Variants in GREB1L observed in about 807,000 individuals in gnomAD.
The protein encoded by GREB1L is GREB1-like protein.
A neutral mutation model predicts 200.8 loss-of-function variants in GREB1L; 17 were observed. That is an observed-to-expected ratio of 0.08 (90% CI 0.06 to 0.13). The LOEUF (loss-of-function observed/expected upper bound fraction) is 0.13. Among genes scored for constraint, GREB1L ranks in the 10% least tolerant of loss-of-function variants. The pLI, the probability that GREB1L is intolerant of heterozygous loss-of-function variation, is 1.00. For missense variants in GREB1L, 1,657 were observed against 2,367.7 expected (o/e 0.70, Z 6.23); for synonymous variants, 789 against 893.0 (o/e 0.88, Z 2.08).
At chr18:21,392,733 C>A (rs1294993486) in intron 4 of GREB1L, among the ~76,000 whole-genome samples, 1 of 151,482 alleles carries the variant, frequency 6.6e-6, no homozygotes, top group Non-Finnish European at 1.5e-5. Flanking sequence ...TATGCCCCAC[C>A]GCTTCATCCA....
Position 21,303,655 on chromosome 18 carries a change from G to A in GREB1L, c.-120+61262G>A, listed in dbSNP as rs558530257. Among the ~76,000 whole-genome samples the A allele has an allele frequency of 7.9e-5, 12 of 152,204 alleles. No homozygotes were observed. The East Asian group carries it at 1.5e-3, about 20-fold the overall frequency. ...CACTGATTATGACTTTGCCACTTCC[G>A]GCCCTATTGTCCTTACAAAGGGATT... On this transcript the variant is annotated intron_variant, in intron 1 of 32. Transcript: ENST00000424526.
In GREB1L at chr18:21,508,443, C is replaced by T. The variant is rs909910944; in HGVS notation, c.4587C>T (p.His1529=). ...CTCCTTCCAGTGGTCGACATGAGCA[C>T]GGACTCCTAAACCTTTTCCACGCCA... ...IFTPSSGRHE[H]GLLNLFHAME... The change falls in exon 27 of 33, where the codon CAC becomes CAT. Residue 1529 remains histidine, a synonymous_variant. Coordinates refer to ENST00000424526, the MANE Select transcript of GREB1L (RefSeq NM_001142966.3). 13 of 1,551,558 alleles carry T rather than the reference C, an allele frequency of 8.4e-6. No individual in the cohort carries two copies. The highest frequency in any genetic ancestry group is 3.6e-5 in the South Asian group (3 of 84,064).
At chr18:21,391,841 C>A (rs1452791589) in intron 4 of GREB1L, among the ~76,000 whole-genome samples, 3 of 152,318 alleles carry the variant, frequency 2.0e-5, no homozygotes, top group Non-Finnish European at 2.9e-5. Context: ...CAGAGTTTCA[C>A]TCTTGTTGCC....
rs76334385 is a variant in GREB1L at position 21,448,751 on chromosome 18, A to T, written c.1394-759A>T. ...ATCTTAGTTCATTTGTGTCATTTGGATACCAAACATTGACTTGCTTATTTT... is the reference window on the plus strand; with the variant it reads ...ATCTTAGTTCATTTGTGTCATTTGGTTACCAAACATTGACTTGCTTATTTT... On this transcript the variant is annotated intron_variant, in intron 11 of 32. Coordinates refer to ENST00000424526, the MANE Select transcript of GREB1L (RefSeq NM_001142966.3). Among the ~76,000 whole-genome samples the T allele has an allele frequency of 8.2e-3, 1,252 of 152,302 alleles. 104 individuals carry two copies. In the East Asian group the frequency reaches 0.19, roughly 24 times the overall value.
intron 1 of GREB1L, among the ~76,000 whole-genome samples, chr18:21,307,271 A>C (rs895192113): frequency 3.3e-5 from 5 of 152,176 alleles, no homozygotes; most frequent in African/African-American, 1.2e-4. Flanking sequence ...GTTACCATTA[A>C]TCCTTCGATC....
Position 21,354,435 on chromosome 18 carries a change from A to C in GREB1L, c.-119-11592A>C, listed in dbSNP as rs558840796. On this transcript the variant is annotated intron_variant, in intron 1 of 32. Coordinates refer to ENST00000424526, the MANE Select transcript of GREB1L (RefSeq NM_001142966.3). ...AGACCCAGTTTTCAACAACAACAAG[A>C]AGTTTAAAAAAATAGTTTGAGTGCC... Among the ~76,000 whole-genome samples the C allele has an allele frequency of 4.6e-5, 7 of 152,302 alleles. No individual in the cohort carries two copies. The South Asian group carries it at 1.5e-3, about 32-fold the overall frequency.
chr18:21,346,592 G>A (rs1369608586), intron 1 of GREB1L, among the ~76,000 whole-genome samples: 1 of 151,926 alleles, frequency 6.6e-6, no homozygotes, highest in Non-Finnish European at 1.5e-5. Context: ...CTTTTAAGAG[G>A]TTTCTGGTTA....
rs558018755 is a variant in GREB1L, at chr18:21,517,413, C to T, written c.5272-621C>T. On this transcript the variant is annotated intron_variant, in intron 30 of 32. Coordinates refer to ENST00000424526, the MANE Select transcript of GREB1L (RefSeq NM_001142966.3). ...TCGCTCTGTTGCCCAGGCTGGACTG[C>T]AGTGGCATGATCCCAGCTCGCTGCA... is the stretch of plus-strand genomic sequence containing the variant. Among the ~76,000 whole-genome samples the T allele has an allele frequency of 2.3e-3, 347 of 152,198 alleles. 5 individuals carry two copies. The South Asian group carries it at 0.041, about 18-fold the overall frequency.
chr18:21,387,461 A>AG (rs1214695587), intron 4 of GREB1L: 3 of 152,228 alleles, frequency 2.0e-5, no homozygotes, highest in Non-Finnish European at 4.4e-5. Flanking sequence ...AAATTATTTC[A>AG]GGGGCAGATT....
intron 2 of GREB1L, among the ~76,000 whole-genome samples, chr18:21,381,796 C>T (rs1381535698): frequency 2.0e-5 from 3 of 152,166 alleles, no homozygotes. Context: ...AGAGGCATTC[C>T]GTTCCAAATA....
chr18:21,271,119 G>T (rs1168955131), intron 1 of GREB1L, among the ~76,000 whole-genome samples: 1 of 152,170 alleles, frequency 6.6e-6, no homozygotes, highest in Non-Finnish European at 1.5e-5. Flanking sequence ...GTATTCAATA[G>T]ATGATGACAA....
chr18:21,288,054 T>G (rs183006273), intron 1 of GREB1L, among the ~76,000 whole-genome samples: 37 of 152,184 alleles, frequency 2.4e-4, no homozygotes, highest in African/African-American at 8.9e-4. Context: ...CTGCCCACCT[T>G]AGCCTCCCAT....
intron 23 of GREB1L, among the ~76,000 whole-genome samples, chr18:21,504,793 G>C (rs1360780938): frequency 1.3e-5 from 2 of 152,164 alleles, no homozygotes; most frequent in African/African-American, 4.8e-5. Context: ...ATAATCTGGG[G>C]ACTCAGGGTT....
Position 21,444,309 on chromosome 18 carries a change from G to A in GREB1L, c.1293G>A (p.Gln431=). 4 of 1,551,872 alleles carry A rather than the reference G, an allele frequency of 2.6e-6. No individual in the cohort carries two copies. The highest frequency in any genetic ancestry group is 1.2e-5 in the South Asian group (1 of 84,056). Residue 431 remains glutamine (Q), a synonymous_variant, in exon 11 of 33, where the codon CAG becomes CAA. Coordinates refer to ENST00000424526, the MANE Select transcript of GREB1L (RefSeq NM_001142966.3). The part of the protein sequence containing the change: ...PLLVNCYKIP[Q]LENKDLEKLG... ...TGGTGAATTGCTACAAGATTCCACA[G>A]TTGGAAAACAAAGATTTGGAAAAAT...
chr18:21,470,917 T>G (rs2145664249), intron 15 of GREB1L, among the ~76,000 whole-genome samples: 2 of 152,318 alleles, frequency 1.3e-5, no homozygotes, highest in Admixed American at 1.3e-4. Context: ...AAAGCAAGTC[T>G]ATAACACAAT....
At chr18:21,318,840 A>G (rs2038910907) in intron 1 of GREB1L, among the ~76,000 whole-genome samples, 1 of 152,150 alleles carries the variant, frequency 6.6e-6, no homozygotes, top group Admixed American at 6.5e-5. Context: ...TGAAGATCTG[A>G]AAGGAGGACT....
chr18:21,339,931 C>T (rs1174637521), intron 1 of GREB1L, among the ~76,000 whole-genome samples: 13 of 152,146 alleles, frequency 8.5e-5, no homozygotes, highest in Non-Finnish European at 1.8e-4. Context: ...ATTGACAAAA[C>T]CCAAGTCCAC....
chr18:21,392,938 A>T (rs1268819389), intron 4 of GREB1L, among the ~76,000 whole-genome samples: 1 of 151,776 alleles, frequency 6.6e-6, no homozygotes, highest in Admixed American at 6.6e-5. Context: ...GGCCCGACTA[A>T]TTTTTGTATT....
chr18:21,319,772 G>C (rs545053981), intron 1 of GREB1L, among the ~76,000 whole-genome samples: 1 of 152,296 alleles, frequency 6.6e-6, no homozygotes, highest in Non-Finnish European at 1.5e-5. Flanking sequence ...AAAGCTGGCA[G>C]AACAGTTATG....
Sources: allele counts gnomAD v4.1 joint callset (sites outside exome capture counted in the v4.1 genomes callset), GRCh38; gene constraint gnomAD v4.1.1; transcripts MANE v1.5; gene names NCBI Gene and HGNC (gene_info 2026-07-23, HGNC 2026-07-21).